Variants in TBL1Y observed in about 807,000 individuals in gnomAD.
The protein encoded by TBL1Y is F-box-like/WD repeat-containing protein TBL1Y.
Under a neutral mutation model 12.0 loss-of-function variants are expected in TBL1Y, and 15 were observed. The observed-to-expected ratio is 1.25, with a 90% CI of 0.83 to 1.92. The LOEUF (loss-of-function observed/expected upper bound fraction) is 1.92. Ranked by LOEUF, TBL1Y falls within the 40% of genes most tolerant of loss-of-function variation. The pLI is 0.00. For missense variants in TBL1Y, 148 were observed against 116.7 expected (o/e 1.27, Z -1.24); for synonymous variants, 53 against 42.6 (o/e 1.24, Z -0.95).
intron 7 of TBL1Y, among the ~76,000 whole-genome samples, chrY:7,050,203 A>G: frequency 3.0e-5 from 1 of 32,790 alleles, no homozygotes; most frequent in African/African-American, 1.2e-4. Context: ...TGAATCCAGA[A>G]TATTCCAAAT....
intron 7 of TBL1Y, among the ~76,000 whole-genome samples, chrY:7,053,020 G>T: frequency 9.0e-5 from 3 of 33,233 alleles, no homozygotes; most frequent in Admixed American, 8.2e-4. Flanking sequence ...TCCAGTGAAG[G>T]CTGTGCATCA....
At chrY:7,080,660 T>C in intron 13 of TBL1Y, 72 bp from the exon 14 acceptor site, 4 of 374,279 alleles carry the variant, frequency 1.1e-5, no homozygotes, top group Non-Finnish European at 1.5e-5. Context: ...TTGACTCTGC[T>C]GTTCATTGTT....
chrY:7,077,582 G>A, intron 13 of TBL1Y, among the ~76,000 whole-genome samples: 1 of 34,033 alleles, frequency 2.9e-5, no homozygotes, highest in African/African-American at 1.1e-4. Context: ...CTCAGGCAAT[G>A]TTGTAAACAA....
At chrY:6,970,054 C>T in intron 2 of TBL1Y, among the ~76,000 whole-genome samples, 4 of 32,542 alleles carry the variant, frequency 1.2e-4, no homozygotes, top group African/African-American at 3.7e-4. Context: ...ATACGATATT[C>T]TTATAGCATT....
chrY:6,993,954 C>T, intron 3 of TBL1Y, among the ~76,000 whole-genome samples: 1 of 32,422 alleles, frequency 3.1e-5, no homozygotes, highest in Admixed American at 2.9e-4. Flanking sequence ...ATCTTTTGAC[C>T]ATATACAAAT....
Position 7,063,943 on chromosome Y carries a change from T to C in TBL1Y, c.251T>C (p.Ile84Thr). The change falls in exon 8 of 19, where the codon ATA becomes ACA. Residue 84 changes from isoleucine to threonine, a missense_variant. Coordinates refer to ENST00000383032, the MANE Select transcript of TBL1Y (RefSeq NM_033284.2). ...CGCCCTATAGAGTCCCTGTCCCTGA[T>C]AGTTGCTGTGATTCCTGATGTGGTG... ...DSRPIESLSL[I>T]VAVIPDVVQM... 2.5e-6 allele frequency: 1 copy of C among 398,021 alleles called. No individual in the cohort carries two copies. Among genetic ancestry groups the C allele is most frequent in the Non-Finnish European group, 3.5e-6 (1 of 283,311 alleles).
At position 7,043,100 on chromosome Y, in the gene TBL1Y, T is replaced by G; in HGVS notation, c.179T>G (p.Val60Gly). Residue 60 changes from valine (V) to glycine (G), a missense_variant, in exon 7 of 19, where the codon GTA (valine) becomes GGA (glycine). Physicochemically the swap from Val to Gly is moderately radical, Grantham distance 109. Transcript: ENST00000383032. ...ISILQKGLQY[V>G]EAEISINKDG... ...ATTCTCCAGAAGGGACTGCAGTATG[T>G]AGAGGCTGAGATAAGCATCAACAAG... The G allele has an allele frequency of 2.5e-6, 1 of 398,338 alleles. No individual in the cohort carries two copies. The highest frequency in any genetic ancestry group is 3.5e-6 in the Non-Finnish European group (1 of 283,480).
At chrY:6,974,414 C>A in intron 2 of TBL1Y, among the ~76,000 whole-genome samples, 1 of 33,953 alleles carries the variant, frequency 2.9e-5, no homozygotes, top group Non-Finnish European at 7.3e-5. Context: ...CCAGTCAAAT[C>A]TGTGAAACAA....
intron 13 of TBL1Y, among the ~76,000 whole-genome samples, chrY:7,077,662 G>A (rs769569915): frequency 8.7e-3 from 292 of 33,516 alleles, no homozygotes; most frequent in Middle Eastern, 0.027. Flanking sequence ...AGATGATCTC[G>A]GCTGTGGAAA....
chrY:7,004,242 G>T (rs2012471490), intron 4 of TBL1Y, among the ~76,000 whole-genome samples: 1 of 33,676 alleles, frequency 3.0e-5, no homozygotes, highest in African/African-American at 1.2e-4. Flanking sequence ...TGCCTTGACT[G>T]TACTGGGAAA....
In TBL1Y at chrY:6,966,833, T is replaced by TTC. The variant is rs1569363835; in HGVS notation, c.-265-11358_-265-11357dup. 1.9e-3 allele frequency among the ~76,000 whole-genome samples: 59 copies of TTC among 31,158 alleles called. No individual in the cohort carries two copies. The East Asian group carries it at 0.034, about 18-fold the overall frequency. The allele number at this position is 31,158 out of a possible 37,273, so 83.6% of individuals were successfully genotyped here. A position where few individuals can be genotyped will look rare whatever the true frequency, so the allele number is the denominator to read the frequency against. Reference sequence around the variant, plus strand: ...GAGCTATGTATTTCTCAGAGCAGTCTTCTCTCTCTCTCTCTCTCTCTCTTT... The same window carrying TTC: ...GAGCTATGTATTTCTCAGAGCAGTCTTCTCTCTCTCTCTCTCTCTCTCTCTTT... On this transcript the variant is annotated intron_variant, in intron 2 of 18. Coordinates refer to ENST00000383032, the MANE Select transcript of TBL1Y (RefSeq NM_033284.2).
intron 3 of TBL1Y, among the ~76,000 whole-genome samples, chrY:6,994,997 G>T: frequency 6.1e-5 from 2 of 33,054 alleles, no homozygotes; most frequent in Admixed American, 5.4e-4. Flanking sequence ...ATGCAGGGCC[G>T]AGGAAGATCC....
chrY:7,074,372 T>G (rs2013049506), intron 12 of TBL1Y, among the ~76,000 whole-genome samples, 188 bp from the exon 13 acceptor site: 2 of 31,051 alleles, frequency 6.4e-5, no homozygotes, highest in African/African-American at 2.5e-4. Flanking sequence ...ATTTTACCAG[T>G]TTTTTTTTTA....
intron 4 of TBL1Y, among the ~76,000 whole-genome samples, chrY:7,003,628 C>A: frequency 3.0e-5 from 1 of 33,267 alleles, no homozygotes; most frequent in African/African-American, 1.2e-4. Context: ...CTGGAAGAAG[C>A]CTTTTAGAAC....
rs371139535 is a variant in TBL1Y at position 7,063,921 on chromosome Y, C to G, written c.229C>G (p.Pro77Ala). ...NKDGTVFDSR[P>A]IESLSLIVAV... ...GGATGGCACAGTGTTCGACAGCCGC[C>G]CTATAGAGTCCCTGTCCCTGATAGT... is the stretch of plus-strand genomic sequence containing the variant. Residue 77 changes from proline to alanine, a missense_variant, in exon 8 of 19, where the codon CCT (proline) becomes GCT (alanine). Physicochemically the swap from Pro to Ala is conservative, Grantham distance 27. Coordinates refer to ENST00000383032, the MANE Select transcript of TBL1Y (RefSeq NM_033284.2). 2.5e-6 allele frequency: 1 copy of G among 395,570 alleles called. No homozygotes were observed. The highest frequency in any genetic ancestry group is 7.6e-5 in the Admixed American group (1 of 13,103).
intron 2 of TBL1Y, among the ~76,000 whole-genome samples, chrY:6,943,279 A>C: frequency 2.1e-4 from 7 of 33,096 alleles, no homozygotes; most frequent in Admixed American, 1.4e-3. Flanking sequence ...TGGGGAGCAG[A>C]GTACATGCTT....
chrY:6,948,708 C>T, intron 2 of TBL1Y, among the ~76,000 whole-genome samples: 1 of 28,885 alleles, frequency 3.5e-5, no homozygotes, highest in Non-Finnish European at 8.1e-5. Context: ...AAGCAAAACA[C>T]TTTTCATTTT....
intron 6 of TBL1Y, among the ~76,000 whole-genome samples, chrY:7,031,426 C>T (rs2012654940): frequency 3.0e-5 from 1 of 33,068 alleles, no homozygotes; most frequent in South Asian, 6.9e-4. Context: ...AGAGGGCTGT[C>T]AGTTGAGTGA....
chrY:7,080,072 T>G (rs2124188301), intron 13 of TBL1Y, among the ~76,000 whole-genome samples: 5 of 21,658 alleles, frequency 2.3e-4, no homozygotes, highest in African/African-American at 1.1e-3. Context: ...TTTTTTTTTT[T>G]TTTTTTTTTT....
Sources: gnomAD v4.1 joint callset for allele counts (sites outside exome capture counted in the v4.1 genomes callset) on GRCh38, gnomAD v4.1.1 for gene constraint, MANE v1.5 for transcripts, NCBI Gene and HGNC (gene_info 2026-07-23, HGNC 2026-07-21) for gene names.